Variants in WDR70 observed in about 807,000 individuals in gnomAD.
WDR70 encodes the protein WD repeat domain 70, also known as WD repeat-containing protein 70.
Under a neutral mutation model 88.6 loss-of-function variants are expected in WDR70, and 53 were observed. The observed-to-expected ratio is 0.60, with a 90% confidence interval of 0.48 to 0.75. The LOEUF (loss-of-function observed/expected upper bound fraction) is 0.75, where lower values mean the gene tolerates loss of function less well. Among genes scored for constraint, WDR70 ranks in the 30% least tolerant of loss-of-function variants. WDR70 has a pLI of 0.00. For missense variants in WDR70, 610 were observed against 823.2 expected, an observed-to-expected ratio of 0.74 and a Z score of 3.17; for synonymous variants, 280 against 270.0, an observed-to-expected ratio of 1.04 and a Z score of -0.36.
chr5:37,608,617 A>T (rs962174114), intron 10 of WDR70, among the ~76,000 whole-genome samples: 1 of 151,428 alleles, frequency 6.6e-6, no homozygotes, highest in Non-Finnish European at 1.5e-5. Context: ...GTGCAGTGGC[A>T]TGATTACAAC....
chr5:37,683,945 G>C (rs1490266303), intron 10 of WDR70, among the ~76,000 whole-genome samples: 1 of 151,942 alleles, frequency 6.6e-6, no homozygotes, highest in Admixed American at 6.6e-5. Flanking sequence ...TTTCCAAGTT[G>C]TTTCCATTCT....
intron 9 of WDR70, among the ~76,000 whole-genome samples, chr5:37,586,713 G>A (rs1026953497): frequency 6.6e-6 from 1 of 151,764 alleles, no homozygotes; most frequent in African/African-American, 2.4e-5. Flanking sequence ...CCCTCTCCTC[G>A]TATCCCTTTC....
rs1438960172 is a variant in WDR70 at position 37,680,597 on chromosome 5, A to G, written c.1093-17058A>G. 2.0e-5 allele frequency among the ~76,000 whole-genome samples: 3 copies of G among 152,296 alleles called. No homozygotes were observed. In the East Asian group the frequency reaches 5.8e-4, roughly 29 times the overall value. Reference sequence around the variant, plus strand: ...TGTACATGGTGTAAGGAACAGGTCCAGTTTCAGTTTTCTGCATATGGCTAG... The same window carrying G: ...TGTACATGGTGTAAGGAACAGGTCCGGTTTCAGTTTTCTGCATATGGCTAG... On this transcript the variant is annotated intron_variant, in intron 10 of 17. Coordinates refer to ENST00000265107, the MANE Select transcript of WDR70 (RefSeq NM_018034.4).
chr5:37,379,816 C>T (rs1220713201), intron 2 of WDR70, among the ~76,000 whole-genome samples: 3 of 152,122 alleles, frequency 2.0e-5, no homozygotes, highest in Admixed American at 1.3e-4. Context: ...CTAAAATGAA[C>T]ATTTTTGTAA....
At chr5:37,637,153 C>T (rs998710753) in intron 10 of WDR70, among the ~76,000 whole-genome samples, 4 of 151,736 alleles carry the variant, frequency 2.6e-5, no homozygotes, top group African/African-American at 7.3e-5. Flanking sequence ...ACCAGCCTGG[C>T]CAACATGGTG....
intron 7 of WDR70, among the ~76,000 whole-genome samples, chr5:37,467,443 C>T (rs184018933): frequency 6.6e-6 from 1 of 151,662 alleles, no homozygotes; most frequent in Non-Finnish European, 1.5e-5. Context: ...CATAGGGGCT[C>T]TATTCTCATG....
chr5:37,644,335 C>T (rs966338092), intron 10 of WDR70, among the ~76,000 whole-genome samples: 1 of 152,076 alleles, frequency 6.6e-6, no homozygotes, highest in South Asian at 2.1e-4. Flanking sequence ...ATAAATCCCA[C>T]TTGGTCTTGA....
At chr5:37,693,728 T>A (rs919305705) in intron 10 of WDR70, among the ~76,000 whole-genome samples, 3 of 152,156 alleles carry the variant, frequency 2.0e-5, no homozygotes, top group African/African-American at 7.2e-5. Context: ...AAGACTTAAA[T>A]GTTAGACCTA....
intron 10 of WDR70, chr5:37,688,016 T>A: frequency 1.5e-6 from 1 of 657,796 alleles, no homozygotes; most frequent in Non-Finnish European, 2.8e-6. Flanking sequence ...AGGTTCTTTA[T>A]CTCACTTTGT....
chr5:37,414,957 A>G (rs1191133642), intron 5 of WDR70, among the ~76,000 whole-genome samples: 2 of 148,480 alleles, frequency 1.3e-5, no homozygotes, highest in Non-Finnish European at 2.9e-5. Context: ...GTCCCTGGGT[A>G]CTTGAGATTA....
intron 9 of WDR70, among the ~76,000 whole-genome samples, chr5:37,592,663 T>A (rs925148448): frequency 6.6e-6 from 1 of 152,188 alleles, no homozygotes; most frequent in African/African-American, 2.4e-5. Context: ...ATTAGGGATG[T>A]TCAATCTGAA....
chr5:37,708,971 A>G (rs189602237), intron 13 of WDR70, among the ~76,000 whole-genome samples: 296 of 152,338 alleles, frequency 1.9e-3, no homozygotes, highest in African/African-American at 6.5e-3. Flanking sequence ...ACTGATATAA[A>G]GTCCCAACTC....
intron 9 of WDR70, among the ~76,000 whole-genome samples, chr5:37,590,744 G>A (rs1313757161): frequency 6.6e-6 from 1 of 152,074 alleles, no homozygotes; most frequent in Non-Finnish European, 1.5e-5. Flanking sequence ...AAAAGGCTAC[G>A]AGGGATTCTA....
At chr5:37,696,083 C>T (rs1746972741) in intron 10 of WDR70, among the ~76,000 whole-genome samples, 1 of 152,184 alleles carries the variant, frequency 6.6e-6, no homozygotes, top group East Asian at 1.9e-4. Flanking sequence ...GTGTGCTGAT[C>T]TGTATCCTTT....
intron 7 of WDR70, among the ~76,000 whole-genome samples, chr5:37,447,377 T>G (rs1165952523): frequency 2.0e-5 from 3 of 152,196 alleles, no homozygotes; most frequent in African/African-American, 7.2e-5. Context: ...GAAGTCAGTG[T>G]GGCGATTCCT....
chr5:37,506,368 T>C (rs932820283), intron 8 of WDR70: 189 of 812,900 alleles, frequency 2.3e-4, no homozygotes, highest in Admixed American at 6.9e-5. Flanking sequence ...CCCAATAAAT[T>C]AATGCCATCA....
intron 9 of WDR70, among the ~76,000 whole-genome samples, chr5:37,583,663 G>A (rs559062873): frequency 3.3e-5 from 5 of 150,474 alleles, no homozygotes; most frequent in East Asian, 2.0e-4. Flanking sequence ...ACTATGACAC[G>A]CAGTCATAGT....
intron 9 of WDR70, among the ~76,000 whole-genome samples, chr5:37,542,577 C>T (rs756637614): frequency 2.6e-5 from 4 of 151,960 alleles, no homozygotes; most frequent in African/African-American, 9.7e-5. Context: ...CAATGTGCCC[C>T]GGCCCACTTT....
At chr5:37,595,822 C>A (rs1743685680) in intron 9 of WDR70, among the ~76,000 whole-genome samples, 1 of 152,058 alleles carries the variant, frequency 6.6e-6, no homozygotes, top group African/African-American at 2.4e-5. Context: ...ATAGAAGGAA[C>A]ATAAATACTA....
Sources: gnomAD v4.1 joint callset for allele counts (sites outside exome capture counted in the v4.1 genomes callset) on GRCh38, gnomAD v4.1.1 for gene constraint, MANE v1.5 for transcripts, NCBI Gene and HGNC (gene_info 2026-07-23, HGNC 2026-07-21) for gene names.